Variants in SCRN1 observed in about 807,000 individuals in gnomAD.
The protein encoded by SCRN1 is secernin-1.
Under a neutral mutation model 43.3 loss-of-function variants are expected in SCRN1, and 19 were observed. The observed-to-expected ratio is 0.44, with a 90% CI of 0.31 to 0.64. The LOEUF is 0.64. SCRN1 is among the 30% of genes least tolerant of loss of function. The pLI is 0.09. For missense variants in SCRN1, 447 were observed against 524.1 expected, an observed-to-expected ratio of 0.85 and a Z score of 1.44; for synonymous variants, 183 against 188.9, an observed-to-expected ratio of 0.97 and a Z score of 0.26.
At chr7:29,954,995 T>TA (rs1788083542) in intron 3 of SCRN1, among the ~76,000 whole-genome samples, 184 bp downstream of exon 3, 1 of 152,192 alleles carries the variant, frequency 6.6e-6, no homozygotes, top group Non-Finnish European at 1.5e-5. Context: ...GATTTTTTTT[T>TA]ATTGTTAAGT....
intron 1 of SCRN1, among the ~76,000 whole-genome samples, chr7:29,988,272 G>C (rs1482798250): frequency 1.3e-5 from 2 of 152,186 alleles, no homozygotes; most frequent in African/African-American, 2.4e-5. Flanking sequence ...AAAGACATCA[G>C]CAGCCACAGA....
rs1223320431 is a variant in SCRN1, at chr7:29,920,681, A to C, written c.*3276T>G. 2 of 152,138 alleles carry C rather than the reference A, an allele frequency of 1.3e-5. No individual in the cohort carries two copies. Among genetic ancestry groups the C allele is most frequent in the Admixed American group, 6.5e-5 (1 of 15,276 alleles). 9.4% of individuals were successfully genotyped at this position (152,138 alleles called of 1,614,324 possible). ...GGAATGCAGTTAGTGGTTTCATGAC[A>C]GACACACTGGTCCCACCCGGCTTCC... On this transcript the variant is annotated 3_prime_UTR_variant, in exon 8 of 8. Coordinates refer to ENST00000242059, the MANE Select transcript of SCRN1 (RefSeq NM_014766.5).
At chr7:29,968,412 T>A (rs1270327229) in intron 2 of SCRN1, among the ~76,000 whole-genome samples, 1 of 151,340 alleles carries the variant, frequency 6.6e-6, no homozygotes, top group Non-Finnish European at 1.5e-5. Flanking sequence ...AATAAAAAAA[T>A]AAAAATGAAA....
At position 29,921,152 on chromosome 7, in the gene SCRN1, T is replaced by G. The variant is rs1786742295; in HGVS notation, c.*2805A>C. 2 of 152,730 alleles carry G rather than the reference T, an allele frequency of 1.3e-5. No individual in the cohort carries two copies. Among genetic ancestry groups the G allele is most frequent in the African/African-American group, 4.8e-5 (2 of 41,472 alleles). 9.5% of individuals were successfully genotyped at this position (152,730 alleles called of 1,614,324 possible). On this transcript the variant is annotated 3_prime_UTR_variant, in exon 8 of 8. Coordinates refer to ENST00000242059, the MANE Select transcript of SCRN1 (RefSeq NM_014766.5). The stretch of plus-strand genomic sequence containing the variant: ...GGGGAGAGATTCTGTCCTTTCTGGC[T>G]ATGGCTTCTTTCTGCACAAGCATGC...
intron 2 of SCRN1, among the ~76,000 whole-genome samples, chr7:29,959,957 G>A (rs1788252148): frequency 6.8e-6 from 1 of 147,648 alleles, no homozygotes; most frequent in African/African-American, 2.5e-5. Flanking sequence ...GAAAGTGGGG[G>A]GAGGGAGGGA....
intron 1 of SCRN1, among the ~76,000 whole-genome samples, chr7:29,971,903 G>C (rs1788676241): frequency 6.6e-6 from 1 of 152,128 alleles, no homozygotes; most frequent in Non-Finnish European, 1.5e-5. Context: ...CCTCCCCAGA[G>C]TGCAGAGAAA....
intron 4 of SCRN1, among the ~76,000 whole-genome samples, chr7:29,941,165 G>C (rs1787532716): frequency 6.6e-6 from 1 of 152,112 alleles, no homozygotes; most frequent in African/African-American, 2.4e-5. Context: ...CTTCATTTTG[G>C]CTAAATAAGC....
intron 3 of SCRN1, among the ~76,000 whole-genome samples, chr7:29,954,444 T>A (rs926690443): frequency 5.9e-5 from 9 of 152,210 alleles, no homozygotes; most frequent in African/African-American, 1.9e-4. Flanking sequence ...AATCTAAGGT[T>A]TAGAACATTT....
rs1167441779 is a variant in SCRN1, at chr7:29,972,078, A to G, written c.-1-3010T>C. The stretch of plus-strand genomic sequence containing the variant: ...GGCTTTATCTTCAGACTGGAGGAGT[A>G]GAGAGAGATAAACAAAGAATGTGTA... On this transcript the variant is annotated intron_variant, in intron 1 of 7. Coordinates refer to ENST00000242059, the MANE Select transcript of SCRN1 (RefSeq NM_014766.5). 4.6e-5 allele frequency among the ~76,000 whole-genome samples: 7 copies of G among 152,240 alleles called. No individual in the cohort carries two copies. The South Asian group carries it at 8.3e-4, about 18-fold the overall frequency.
chr7:29,976,849 G>A (rs1245510628), intron 1 of SCRN1, among the ~76,000 whole-genome samples: 2 of 152,218 alleles, frequency 1.3e-5, no homozygotes, highest in African/African-American at 4.8e-5. Context: ...GTGGCAGGAG[G>A]CCCAAGTTCA....
At chr7:29,966,318 T>C (rs988982425) in intron 2 of SCRN1, among the ~76,000 whole-genome samples, 3 of 152,128 alleles carry the variant, frequency 2.0e-5, no homozygotes, top group East Asian at 1.9e-4. Flanking sequence ...GTGAAGGGCA[T>C]AGACTCACCT....
At chr7:29,928,626 G>T (rs1787052929) in intron 6 of SCRN1, among the ~76,000 whole-genome samples, 1 of 152,088 alleles carries the variant, frequency 6.6e-6, no homozygotes, top group Non-Finnish European at 1.5e-5. Flanking sequence ...GGAAGCATAA[G>T]GCATGCCAGG....
chr7:29,967,697 C>T (rs545885010), intron 2 of SCRN1, among the ~76,000 whole-genome samples: 87 of 152,124 alleles, frequency 5.7e-4, no homozygotes, highest in Non-Finnish European at 1.0e-3. Context: ...ACATAAAACC[C>T]GAGCTATAAG....
At chr7:29,980,908 C>T (rs1415820536) in intron 1 of SCRN1, among the ~76,000 whole-genome samples, 1 of 151,920 alleles carries the variant, frequency 6.6e-6, no homozygotes, top group African/African-American at 2.4e-5. Flanking sequence ...GAAAGATAGG[C>T]ACATAGATGG....
chr7:29,926,598 C>G lies in SCRN1; in HGVS notation c.940G>C (p.Val314Leu). The change falls in exon 7 of 8, where the codon GTA (valine) becomes CTA (leucine). Residue 314 changes from valine to leucine, a missense_variant. Val to Leu is a conservative substitution (Grantham distance 32, BLOSUM62 1). Coordinates refer to ENST00000242059, the MANE Select transcript of SCRN1 (RefSeq NM_014766.5). ...GACTGTGTTTTGGGGACAAGTTTTA[C>G]GTCATCAACAAAGATGAAAGGCTTG... ...IFKPFIFVDD[V>L]KLVPKTQSPC... is the part of the protein sequence containing the mutation. 6.2e-7 allele frequency: 1 copy of G among 1,614,040 alleles called. No homozygotes were observed. Among genetic ancestry groups the G allele is most frequent in the Non-Finnish European group, 8.5e-7 (1 of 1,180,006 alleles).
intron 2 of SCRN1, among the ~76,000 whole-genome samples, chr7:29,964,869 G>A (rs750538245): frequency 3.0e-4 from 45 of 152,132 alleles, no homozygotes; most frequent in Admixed American, 7.9e-4. Context: ...TTGAACCCGA[G>A]AGCTGGAGGT....
intron 3 of SCRN1, among the ~76,000 whole-genome samples, chr7:29,951,979 T>C (rs1482170203): frequency 6.6e-6 from 1 of 152,202 alleles, no homozygotes; most frequent in Non-Finnish European, 1.5e-5. Flanking sequence ...GCATGTGAAA[T>C]GGACATAGCC....
chr7:29,969,082 G>A lies in SCRN1; in HGVS notation c.-1-14C>T, dbSNP rs1172232811. ...GCTGCAGCCATCCTGAAAAGAGAAT[G>A]CCAGCAAGAGTGGAAGCAGGCCTCA... On this transcript the variant is annotated splice_polypyrimidine_tract_variant and intron_variant, in intron 1 of 7. Transcript: ENST00000242059. 5 of 1,608,752 alleles carry A rather than the reference G, an allele frequency of 3.1e-6. No individual in the cohort carries two copies. In the Admixed American group the frequency reaches 6.8e-5, roughly 22 times the overall value.
chr7:29,946,105 T>C (rs1469410800), intron 3 of SCRN1, among the ~76,000 whole-genome samples: 3 of 152,238 alleles, frequency 2.0e-5, no homozygotes, highest in Non-Finnish European at 4.4e-5. Flanking sequence ...TCATTTGACA[T>C]TTCTCATTTT....
Sources: gnomAD v4.1 joint callset for allele counts (sites outside exome capture counted in the v4.1 genomes callset) on GRCh38, gnomAD v4.1.1 for gene constraint, MANE v1.5 for transcripts, NCBI Gene and HGNC (gene_info 2026-07-23, HGNC 2026-07-21) for gene names.